SPSB4: variants seen among roughly 807,000 people sequenced by gnomAD.
SPSB4 encodes splA/ryanodine receptor domain and SOCS box containing 4, also known as SPRY domain-containing SOCS box protein 4.
In SPSB4, 21 loss-of-function variants were observed where a neutral mutation model predicts 20.9. That is an observed-to-expected ratio of 1.01 (90% CI 0.71 to 1.45). The LOEUF (loss-of-function observed/expected upper bound fraction) is 1.45, where lower values mean the gene tolerates loss of function less well. SPSB4 is among the 40% of genes most tolerant of loss of function. The pLI is 0.00. For synonymous variants in SPSB4, 207 were observed against 183.8 expected (o/e 1.13, Z -1.02); for missense variants, 399 against 399.2 (o/e 1.00, Z 0.00).
intron 2 of SPSB4, among the ~76,000 whole-genome samples, chr3:141,104,250 CA>C (rs1426070506): frequency 6.6e-6 from 1 of 151,968 alleles, no homozygotes; most frequent in Non-Finnish European, 1.5e-5. Flanking sequence ...AGGGAGAGGG[CA>C]GGGGAAAAGC....
chr3:141,102,024 A>G (rs1191094164), intron 2 of SPSB4, among the ~76,000 whole-genome samples: 1 of 152,258 alleles, frequency 6.6e-6, no homozygotes, highest in East Asian at 1.9e-4. Flanking sequence ...GGATTCTCAC[A>G]TAAATCACCA....
intron 2 of SPSB4, among the ~76,000 whole-genome samples, chr3:141,142,098 G>T (rs771722634): frequency 7.2e-5 from 11 of 152,064 alleles, no homozygotes; most frequent in Non-Finnish European, 1.3e-4. Flanking sequence ...AGTTTAGTTT[G>T]TTCTTGTTTC....
intron 2 of SPSB4, among the ~76,000 whole-genome samples, chr3:141,113,928 T>G (rs1468489276): frequency 3.3e-5 from 5 of 152,130 alleles, no homozygotes. Context: ...AAACCCCATC[T>G]CTACAAAAAA....
chr3:141,100,933 T>C (rs2107795188), intron 2 of SPSB4, among the ~76,000 whole-genome samples: 1 of 152,256 alleles, frequency 6.6e-6, no homozygotes, highest in East Asian at 1.9e-4. Context: ...TGTGAAGTGG[T>C]TGGAGGCCCC....
chr3:141,082,169 G>A (rs553626470), intron 2 of SPSB4, among the ~76,000 whole-genome samples: 6 of 152,322 alleles, frequency 3.9e-5, no homozygotes, highest in Admixed American at 3.3e-4. Context: ...GCTGGGTCTG[G>A]TTGTCATTTG....
At chr3:141,093,536 T>C (rs918895453) in intron 2 of SPSB4, among the ~76,000 whole-genome samples, 11 of 152,000 alleles carry the variant, frequency 7.2e-5, no homozygotes, top group Non-Finnish European at 1.3e-4. Flanking sequence ...TTAGGTGACA[T>C]AGAGGAGGCC....
chr3:141,065,217 C>A (rs966310311), intron 1 of SPSB4, among the ~76,000 whole-genome samples: 2 of 152,150 alleles, frequency 1.3e-5, no homozygotes, highest in African/African-American at 4.8e-5. Flanking sequence ...ACACCGGCTC[C>A]CTTATCCTTC....
intron 2 of SPSB4, among the ~76,000 whole-genome samples, chr3:141,071,680 T>C (rs1938007070): frequency 6.6e-6 from 1 of 152,160 alleles, no homozygotes; most frequent in African/African-American, 2.4e-5. Context: ...CCACTGAGCA[T>C]GGCCTGACCC....
intron 1 of SPSB4, among the ~76,000 whole-genome samples, chr3:141,064,123 G>A (rs753013431): frequency 1.3e-5 from 2 of 152,250 alleles, no homozygotes; most frequent in Non-Finnish European, 2.9e-5. Context: ...TTCCTTCAGG[G>A]AATGCCAGCT....
chr3:141,101,336 C>A (rs62283590), intron 2 of SPSB4, among the ~76,000 whole-genome samples: 5,411 of 152,314 alleles, frequency 0.036, 148 homozygotes, highest in Non-Finnish European at 0.057. Context: ...GAGAGACAGA[C>A]CTGGCAGGAC....
At chr3:141,105,752 G>A (rs1220638017) in intron 2 of SPSB4, among the ~76,000 whole-genome samples, 4 of 152,210 alleles carry the variant, frequency 2.6e-5, no homozygotes, top group Non-Finnish European at 5.9e-5. Context: ...CACAATGTAA[G>A]TAATCATAAT....
chr3:141,080,187 T>C (rs1047432194), intron 2 of SPSB4: 7 of 152,338 alleles, frequency 4.6e-5, no homozygotes, highest in East Asian at 1.9e-4. Context: ...GACAAGTTAA[T>C]TGAGGCCCAG....
At chr3:141,095,432 T>TC (rs1305997227) in intron 2 of SPSB4, among the ~76,000 whole-genome samples, 2 of 152,032 alleles carry the variant, frequency 1.3e-5, no homozygotes, top group Non-Finnish European at 2.9e-5. Flanking sequence ...ACTTATTCAT[T>TC]CCCCACTCAC....
Position 141,087,000 on chromosome 3 carries a change from C to T in SPSB4, c.694+20202C>T, listed in dbSNP as rs569257022. On this transcript the variant is annotated intron_variant, in intron 2 of 2. Transcript: ENST00000310546. ...TGATTCTGCAGAGGAGCAGGCCCTG[C>T]GTTTAAGAGCAGAGGGAAGGGGATA... Among the ~76,000 whole-genome samples the T allele has an allele frequency of 1.1e-3, 169 of 152,228 alleles. 1 individual carries two copies. The highest frequency in any genetic ancestry group is 2.1e-3 in the South Asian group (10 of 4,824).
At chr3:141,110,105 T>C (rs1189995111) in intron 2 of SPSB4, among the ~76,000 whole-genome samples, 1 of 152,174 alleles carries the variant, frequency 6.6e-6, no homozygotes, top group African/African-American at 2.4e-5. Context: ...GCCCTGCCTT[T>C]GGGGATATTT....
chr3:141,058,113 C>T (rs2107775061), intron 1 of SPSB4, among the ~76,000 whole-genome samples: 1 of 152,316 alleles, frequency 6.6e-6, no homozygotes, highest in Middle Eastern at 3.4e-3. Context: ...ACTACCAATC[C>T]CCACAGCAGT....
At chr3:141,092,129 G>C (rs1231370083) in intron 2 of SPSB4, among the ~76,000 whole-genome samples, 1 of 152,172 alleles carries the variant, frequency 6.6e-6, no homozygotes, top group Non-Finnish European at 1.5e-5. Context: ...ACGGAGCTAG[G>C]TTCAAATCTC....
At chr3:141,113,831 C>T (rs927557511) in intron 2 of SPSB4, among the ~76,000 whole-genome samples, 4 of 152,200 alleles carry the variant, frequency 2.6e-5, no homozygotes, top group Non-Finnish European at 5.9e-5. Context: ...CGTGGTGGCT[C>T]ACGACTGTAA....
At chr3:141,127,376 T>G (rs559151583) in intron 2 of SPSB4, among the ~76,000 whole-genome samples, 1 of 152,330 alleles carries the variant, frequency 6.6e-6, no homozygotes, top group Non-Finnish European at 1.5e-5. Context: ...GAGGCCTCAG[T>G]TCAGCCAGTC....
Sources: allele counts gnomAD v4.1 joint callset (sites outside exome capture counted in the v4.1 genomes callset), GRCh38; gene constraint gnomAD v4.1.1; transcripts MANE v1.5; gene names NCBI Gene and HGNC (gene_info 2026-07-23, HGNC 2026-07-21).